FHIT: variants seen among roughly 807,000 people sequenced by gnomAD.
The protein encoded by FHIT is fragile histidine triad diadenosine triphosphatase.
A neutral mutation model predicts 17.9 loss-of-function variants in FHIT; 19 were observed. The observed-to-expected ratio is 1.06, with a 90% confidence interval of 0.74 to 1.56. The LOEUF is 1.56. Ranked by LOEUF, FHIT falls within the 40% of genes most tolerant of loss-of-function variation. The pLI, the probability that FHIT is intolerant of heterozygous loss-of-function variation, is 0.00. For synonymous variants in FHIT, 81 were observed against 69.7 expected (o/e 1.16, Z -0.81); for missense variants, 248 against 189.2 (o/e 1.31, Z -1.82).
chr3:59,989,611 C>T (rs919277125), intron 7 of FHIT, among the ~76,000 whole-genome samples: 8 of 152,014 alleles, frequency 5.3e-5, no homozygotes, highest in Admixed American at 4.6e-4. Flanking sequence ...TCACATTCTA[C>T]AATCTATACC....
chr3:61,007,825 G>A (rs1021062235), intron 3 of FHIT, among the ~76,000 whole-genome samples: 1 of 152,126 alleles, frequency 6.6e-6, no homozygotes, highest in Non-Finnish European at 1.5e-5. Flanking sequence ...TGAGTGACCA[G>A]AGCAACACCC....
chr3:60,014,041 T>C lies in FHIT; in HGVS notation c.215A>G (p.His72Arg), dbSNP rs567451217. The C allele has an allele frequency of 1.2e-6, 2 of 1,613,920 alleles. No homozygotes were observed. The highest frequency in any genetic ancestry group is 2.2e-5 in the South Asian group (2 of 91,070). Residue 72 changes from histidine to arginine, a missense_variant, in exon 6 of 10, where the codon CAT becomes CGT. Physicochemically the swap from His to Arg is conservative, Grantham distance 29. Coordinates refer to ENST00000492590, the MANE Select transcript of FHIT (RefSeq NM_002012.4). ...AAAGGTGAGAGAGGTCCCATGGAAA[T>C]GTTTTTCCACCACTGTCCCGACTCT... ...TQRVGTVVEK[H>R]FHGTSLTFSM...
intron 5 of FHIT, among the ~76,000 whole-genome samples, chr3:60,351,042 C>T (rs1285622836): frequency 6.6e-6 from 1 of 151,946 alleles, no homozygotes; most frequent in East Asian, 1.9e-4. Context: ...AGACCACAGC[C>T]CCAGCCAAAA....
At chr3:60,859,902 G>C (rs1478025199) in intron 3 of FHIT, among the ~76,000 whole-genome samples, 2 of 150,374 alleles carry the variant, frequency 1.3e-5, no homozygotes, top group African/African-American at 4.9e-5. Flanking sequence ...AAATTAGCCA[G>C]GTGTGGTGGC....
intron 4 of FHIT, among the ~76,000 whole-genome samples, chr3:60,659,110 T>C (rs1172560192): frequency 6.6e-6 from 1 of 152,064 alleles, no homozygotes; most frequent in Non-Finnish European, 1.5e-5. Flanking sequence ...CATTGCATTC[T>C]GGACTCCTAC....
At chr3:61,162,111 T>A (rs2037714441) in intron 2 of FHIT, among the ~76,000 whole-genome samples, 1 of 152,210 alleles carries the variant, frequency 6.6e-6, no homozygotes, top group South Asian at 2.1e-4. Flanking sequence ...GCAACAGTCA[T>A]CCTGTTAATT....
chr3:59,812,815 T>C (rs1386494874), intron 8 of FHIT, among the ~76,000 whole-genome samples: 2 of 152,216 alleles, frequency 1.3e-5, no homozygotes, highest in Non-Finnish European at 2.9e-5. Context: ...GTTTGATTTT[T>C]CCTGCTAGTA....
chr3:60,483,628 T>C (rs1414850141), intron 5 of FHIT, among the ~76,000 whole-genome samples: 1 of 152,124 alleles, frequency 6.6e-6, no homozygotes, highest in African/African-American at 2.4e-5. Flanking sequence ...ATATTCAACA[T>C]CCCTTCGTGT....
intron 5 of FHIT, among the ~76,000 whole-genome samples, chr3:60,254,963 C>G (rs1380913552): frequency 1.3e-5 from 2 of 152,166 alleles, no homozygotes; most frequent in African/African-American, 4.8e-5. Flanking sequence ...TTTAAGAAAT[C>G]ATGTTCTTGA....
At chr3:61,023,373 G>A (rs1383974348) in intron 3 of FHIT, among the ~76,000 whole-genome samples, 1 of 152,180 alleles carries the variant, frequency 6.6e-6, no homozygotes, top group African/African-American at 2.4e-5. Flanking sequence ...AGCATTCCAT[G>A]CTCATGGATA....
intron 4 of FHIT, among the ~76,000 whole-genome samples, chr3:60,660,445 C>T (rs1553690773): frequency 6.6e-6 from 1 of 152,056 alleles, no homozygotes; most frequent in African/African-American, 2.4e-5. Context: ...TAAAGTCAAC[C>T]ACAGTTAAGG....
chr3:61,205,456 T>C (rs1206501224), intron 1 of FHIT, among the ~76,000 whole-genome samples: 1 of 152,212 alleles, frequency 6.6e-6, no homozygotes, highest in Non-Finnish European at 1.5e-5. Flanking sequence ...AAAGTGTTCC[T>C]ATTTCTCCAC....
intron 5 of FHIT, among the ~76,000 whole-genome samples, chr3:60,425,715 A>G (rs1312513189): frequency 3.3e-4 from 50 of 152,168 alleles, no homozygotes; most frequent in Admixed American, 3.2e-3. Flanking sequence ...TGATGTTAAA[A>G]GTCATAAAAA....
At chr3:59,845,469 G>A (rs987060685) in intron 8 of FHIT, among the ~76,000 whole-genome samples, 18 of 151,992 alleles carry the variant, frequency 1.2e-4, no homozygotes, top group African/African-American at 4.3e-4. Context: ...TGGATATGTT[G>A]TGTTTTTGTT....
rs1303862268 is a variant in FHIT at position 60,602,814 on chromosome 3, C to T, written c.-17-65835G>A. Among the ~76,000 whole-genome samples, 12 of 152,140 alleles carry T rather than the reference C, an allele frequency of 7.9e-5. No individual in the cohort carries two copies. In the East Asian group the frequency reaches 2.1e-3, roughly 27 times the overall value. On this transcript the variant is annotated intron_variant, in intron 4 of 9. Transcript: ENST00000492590. Reference sequence around the variant, plus strand: ...TCCATTCTCATGACTGGGATTAGTGCCTGTATAAAAAAGACCTCAGAGAGC... The same window carrying T: ...TCCATTCTCATGACTGGGATTAGTGTCTGTATAAAAAAGACCTCAGAGAGC...
chr3:59,748,850 A>G lies in FHIT; in HGVS notation c.*735T>C, dbSNP rs1171353869. On this transcript the variant is annotated 3_prime_UTR_variant, in exon 10 of 10. Transcript: ENST00000492590. ...ATCACTTGCAAGACAGGATAATAAC[A>G]GGGTCTACATCTTATAAATTCTTAG... is the stretch of plus-strand genomic sequence containing the variant. Among the ~76,000 whole-genome samples the G allele has an allele frequency of 1.3e-5, 2 of 152,172 alleles. No individual in the cohort carries two copies. The highest frequency in any genetic ancestry group is 4.8e-5 in the African/African-American group (2 of 41,454).
chr3:59,881,456 C>T (rs1703407452), intron 8 of FHIT, among the ~76,000 whole-genome samples: 1 of 152,106 alleles, frequency 6.6e-6, no homozygotes, highest in Non-Finnish European at 1.5e-5. Context: ...TTCACTATTC[C>T]TATAAGGCAG....
intron 4 of FHIT, among the ~76,000 whole-genome samples, chr3:60,813,054 C>A (rs925600241): frequency 7.9e-5 from 12 of 151,856 alleles, no homozygotes; most frequent in African/African-American, 2.9e-4. Context: ...AGAGGTGGGA[C>A]CACTGAGAGA....
intron 2 of FHIT, among the ~76,000 whole-genome samples, chr3:61,153,135 T>C (rs1576114430): frequency 4.3e-5 from 5 of 116,806 alleles, no homozygotes; most frequent in African/African-American, 1.4e-4. Flanking sequence ...AGAGCAAGAC[T>C]CCATCTCAAA....
Sources: allele counts gnomAD v4.1 joint callset (sites outside exome capture counted in the v4.1 genomes callset), GRCh38; gene constraint gnomAD v4.1.1; transcripts MANE v1.5; gene names NCBI Gene and HGNC (gene_info 2026-07-23, HGNC 2026-07-21).